LSAMP: variants seen among roughly 807,000 people sequenced by gnomAD.
LSAMP encodes limbic system associated membrane protein, also known as limbic system-associated membrane protein.
In LSAMP, 7 loss-of-function variants were observed where a neutral mutation model predicts 38.6. The ratio of observed to expected loss-of-function variants is 0.18; its 90% CI spans 0.10 to 0.34. LSAMP has a LOEUF of 0.34. LSAMP is among the 10% of genes least tolerant of loss of function. The probability of loss-of-function intolerance (pLI) is 1.00; values close to 1 mark genes in which losing one functional copy is unlikely to be tolerated. For synonymous variants in LSAMP, 154 were observed against 166.8 expected (o/e 0.92, Z 0.59); for missense variants, 313 against 420.0 (o/e 0.75, Z 2.23).
At position 116,276,363 on chromosome 3, in the gene LSAMP, A is replaced by C. The variant is rs564708926; in HGVS notation, c.155+168514T>G. Among the ~76,000 whole-genome samples, 3 of 152,344 alleles carry C rather than the reference A, an allele frequency of 2.0e-5. No individual in the cohort carries two copies. In the East Asian group the frequency reaches 5.8e-4, roughly 29 times the overall value. ...TATAGATTGTTTTAAGAATTAGTTT[A>C]AGCTGGAAATAAATATAGTTCAAAA... On this transcript the variant is annotated intron_variant, in intron 1 of 6. Coordinates refer to ENST00000490035, the MANE Select transcript of LSAMP (RefSeq NM_002338.5).
intron 1 of LSAMP, among the ~76,000 whole-genome samples, chr3:116,230,352 G>A (rs918290897): frequency 2.6e-5 from 4 of 152,092 alleles, no homozygotes; most frequent in Non-Finnish European, 4.4e-5. Flanking sequence ...ACATGAGATT[G>A]CTTCTAAATT....
At chr3:116,257,823 G>A (rs1434362315) in intron 1 of LSAMP, among the ~76,000 whole-genome samples, 1 of 152,118 alleles carries the variant, frequency 6.6e-6, no homozygotes, top group East Asian at 1.9e-4. Context: ...GAATGGTTAA[G>A]TGAATGTTAT....
chr3:116,025,443 C>G lies in LSAMP; in HGVS notation c.389-5803G>C, dbSNP rs1316204324. ...ATTTTTGTTTTGCTGAAGTTTAAAGCTTCTTTGTTGTTGTATCTATTGATC... is the reference window on the plus strand; with the variant it reads ...ATTTTTGTTTTGCTGAAGTTTAAAGGTTCTTTGTTGTTGTATCTATTGATC... On this transcript the variant is annotated intron_variant, in intron 2 of 6. Coordinates refer to ENST00000490035, the MANE Select transcript of LSAMP (RefSeq NM_002338.5). 2.0e-5 allele frequency among the ~76,000 whole-genome samples: 3 copies of G among 152,062 alleles called. No individual in the cohort carries two copies. The East Asian group carries it at 5.8e-4, about 29-fold the overall frequency.
At chr3:115,877,341 A>T (rs1210567831) in intron 3 of LSAMP, among the ~76,000 whole-genome samples, 1 of 152,128 alleles carries the variant, frequency 6.6e-6, no homozygotes, top group African/African-American at 2.4e-5. Flanking sequence ...GTGTTAAAAC[A>T]GTGAAATGTG....
intron 3 of LSAMP, among the ~76,000 whole-genome samples, chr3:115,924,666 G>A (rs910265086): frequency 3.9e-5 from 6 of 152,286 alleles, no homozygotes; most frequent in African/African-American, 1.4e-4. Context: ...TTGTTGTCCT[G>A]CAGAATTCTT....
intron 1 of LSAMP, among the ~76,000 whole-genome samples, chr3:116,203,404 ATT>A (rs1193912843): frequency 9.7e-4 from 145 of 149,734 alleles, no homozygotes; most frequent in African/African-American, 3.4e-3. Flanking sequence ...TTTATTTTTT[ATT>A]TTTTTATTAT....
chr3:116,090,837 A>C (rs548510389), intron 1 of LSAMP, among the ~76,000 whole-genome samples: 1 of 152,212 alleles, frequency 6.6e-6, no homozygotes, highest in Non-Finnish European at 1.5e-5. Context: ...TAACAGAGTA[A>C]TAGAATATCA....
rs981995980 is a variant in LSAMP at position 116,199,056 on chromosome 3, C to T, written c.156-112500G>A. On this transcript the variant is annotated intron_variant, in intron 1 of 6. Coordinates refer to ENST00000490035, the MANE Select transcript of LSAMP (RefSeq NM_002338.5). ...CCATGATTGTGTCACTGCACTATAG[C>T]CTGTGTGACAGAGCAAGACCTTGTC... Among the ~76,000 whole-genome samples the T allele has an allele frequency of 4.6e-5, 7 of 151,802 alleles. No homozygotes were observed. In the East Asian group the frequency reaches 1.4e-3, roughly 29 times the overall value.
At chr3:115,868,480 A>G (rs561004563) in intron 3 of LSAMP, among the ~76,000 whole-genome samples, 106 of 152,244 alleles carry the variant, frequency 7.0e-4, no homozygotes, top group African/African-American at 2.4e-3. Context: ...AAACAGAGGT[A>G]TGTGTGTGTA....
chr3:116,427,115 T>C lies in LSAMP; in HGVS notation c.155+17762A>G, dbSNP rs1024944159. ...AAGACTCAGCTCTTTCTTTCTTTTT[T>C]TTTTTTTTTTTTTTTTGAGACGGAG... On this transcript the variant is annotated intron_variant, in intron 1 of 6. Transcript: ENST00000490035. Among the ~76,000 whole-genome samples the C allele has an allele frequency of 2.8e-3, 397 of 140,002 alleles. 2 individuals are homozygous for C. Among genetic ancestry groups the C allele is most frequent in the African/African-American group, 4.5e-3 (174 of 38,452 alleles). The allele number at this position is 140,002 out of a possible 152,430, so 91.8% of individuals were successfully genotyped here.
chr3:115,829,201 G>A (rs1055723328), intron 6 of LSAMP, among the ~76,000 whole-genome samples: 2 of 152,116 alleles, frequency 1.3e-5, no homozygotes, highest in African/African-American at 2.4e-5. Flanking sequence ...GAGTAAAGAG[G>A]TGGGGGAGAT....
chr3:116,028,785 T>C, intron 2 of LSAMP, among the ~76,000 whole-genome samples: 1 of 152,144 alleles, frequency 6.6e-6, no homozygotes, highest in Non-Finnish European at 1.5e-5. Flanking sequence ...TTTTGCAGAC[T>C]CCATGATTGC....
chr3:116,001,074 A>G (rs1939975341), intron 3 of LSAMP, among the ~76,000 whole-genome samples: 1 of 152,174 alleles, frequency 6.6e-6, no homozygotes, highest in African/African-American at 2.4e-5. Flanking sequence ...TAGAAATATT[A>G]TTACTAGCGG....
intron 1 of LSAMP, among the ~76,000 whole-genome samples, chr3:116,143,055 T>C (rs1459743054): frequency 6.7e-6 from 1 of 149,734 alleles, no homozygotes; most frequent in Non-Finnish European, 1.5e-5. Flanking sequence ...ACATTATATC[T>C]ATATAATGTA....
intron 1 of LSAMP, among the ~76,000 whole-genome samples, chr3:116,358,722 C>T (rs542924827): frequency 4.6e-4 from 70 of 152,104 alleles, no homozygotes; most frequent in African/African-American, 1.4e-3. Context: ...CTGACTGAAT[C>T]ATTTGTACCA....
intron 4 of LSAMP, among the ~76,000 whole-genome samples, chr3:115,845,678 A>T (rs1156933569): frequency 1.3e-5 from 2 of 152,166 alleles, no homozygotes; most frequent in Non-Finnish European, 2.9e-5. Context: ...TGGGGAGGTA[A>T]GTCGGCCACA....
chr3:116,145,592 A>G (rs1709472694), intron 1 of LSAMP, among the ~76,000 whole-genome samples: 1 of 151,954 alleles, frequency 6.6e-6, no homozygotes, highest in Non-Finnish European at 1.5e-5. Context: ...TGTTAATCAG[A>G]TCCCCCCCAA....
At chr3:116,265,099 C>G (rs1197934987) in intron 1 of LSAMP, among the ~76,000 whole-genome samples, 1 of 151,948 alleles carries the variant, frequency 6.6e-6, no homozygotes, top group African/African-American at 2.4e-5. Context: ...AAAATACATT[C>G]CAATTACCCA....
chr3:116,164,162 C>T (rs1281901213), intron 1 of LSAMP, among the ~76,000 whole-genome samples: 1 of 152,036 alleles, frequency 6.6e-6, no homozygotes, highest in Non-Finnish European at 1.5e-5. Flanking sequence ...CAAACATACA[C>T]CATGCTTCTT....
Sources: allele counts gnomAD v4.1 joint callset (sites outside exome capture counted in the v4.1 genomes callset), GRCh38; gene constraint gnomAD v4.1.1; transcripts MANE v1.5; gene names NCBI Gene and HGNC (gene_info 2026-07-23, HGNC 2026-07-21).